Variants in KSR1 observed in about 807,000 individuals in gnomAD.
KSR1 encodes the protein kinase suppressor of ras 1, also known as kinase suppressor of ras.
In KSR1, 35 loss-of-function variants were observed where a neutral mutation model predicts 92.9. The observed-to-expected ratio is 0.38, with a 90% confidence interval of 0.29 to 0.50. KSR1 has a LOEUF of 0.50. KSR1 is among the 20% of genes least tolerant of loss of function. KSR1 has a pLI of 0.94. For missense variants in KSR1, 972 were observed against 1,158.5 expected (o/e 0.84, Z 2.34); for synonymous variants, 467 against 472.6 (o/e 0.99, Z 0.15).
rs765949602 is a variant in KSR1 at position 27,456,694 on chromosome 17, C to T, written c.51C>T (p.Gly17=). Reference sequence around the variant, plus strand: ...CGGCGATGGGAGAGAAGAAGGAGGGCGGTGGCGGGGGGGATGCGGCGGCCG... The same window carrying T: ...CGGCGATGGGAGAGAAGAAGGAGGGTGGTGGCGGGGGGGATGCGGCGGCCG... ...RAAAMGEKKE[G]GGGGDAAAAE... Residue 17 remains glycine, a synonymous_variant, in exon 1 of 21, where the codon GGC becomes GGT. Coordinates refer to ENST00000644974, the MANE Select transcript of KSR1 (RefSeq NM_001394583.1). The T allele has an allele frequency of 2.8e-5, 21 of 754,412 alleles. No individual in the cohort carries two copies. The highest frequency in any genetic ancestry group is 4.5e-5 in the Non-Finnish European group (20 of 446,086). 46.7% of individuals were successfully genotyped at this position (754,412 alleles called of 1,614,324 possible).
intron 15 of KSR1, among the ~76,000 whole-genome samples, chr17:27,608,867 C>T (rs1307583169): frequency 2.0e-5 from 3 of 152,224 alleles, no homozygotes; most frequent in South Asian, 2.1e-4. Context: ...TGATAAATCT[C>T]ACTGTCCCTG....
intron 1 of KSR1, among the ~76,000 whole-genome samples, chr17:27,504,669 G>T (rs2069311689): frequency 1.3e-5 from 2 of 152,134 alleles, no homozygotes; most frequent in Admixed American, 1.3e-4. Context: ...TGTGGCGGGG[G>T]GATGCCTTCC....
chr17:27,516,325 T>A (rs889409043), intron 1 of KSR1, among the ~76,000 whole-genome samples: 1 of 152,192 alleles, frequency 6.6e-6, no homozygotes. Flanking sequence ...ATCATCATTA[T>A]CACAGATGGG....
At chr17:27,463,854 C>T (rs1358180748) in intron 1 of KSR1, among the ~76,000 whole-genome samples, 22 of 152,150 alleles carry the variant, frequency 1.4e-4, no homozygotes, top group Admixed American at 1.4e-3. Flanking sequence ...TTTGGGGTGC[C>T]TGGCTTTGGG....
chr17:27,480,969 G>A (rs2068493054), intron 1 of KSR1, among the ~76,000 whole-genome samples: 1 of 152,162 alleles, frequency 6.6e-6, no homozygotes, highest in African/African-American at 2.4e-5. Flanking sequence ...TAAGGTTTCA[G>A]TAACACTCTG....
At chr17:27,479,329 C>T (rs1331386900) in intron 1 of KSR1, among the ~76,000 whole-genome samples, 2 of 152,222 alleles carry the variant, frequency 1.3e-5, no homozygotes, top group African/African-American at 4.8e-5. Context: ...CCGTGCTCCT[C>T]CCTCATCCTG....
chr17:27,552,611 GC>G (rs891365504), intron 2 of KSR1, among the ~76,000 whole-genome samples: 3 of 152,182 alleles, frequency 2.0e-5, no homozygotes, highest in Non-Finnish European at 2.9e-5. Context: ...GAGAGTTGGT[GC>G]CCCCAGGGGA....
intron 16 of KSR1, 72 bp downstream of exon 16, chr17:27,609,401 C>G (rs2073853744): frequency 6.3e-7 from 1 of 1,579,116 alleles, no homozygotes; most frequent in Admixed American, 1.7e-5. Context: ...GGTCTGGGCA[C>G]TTTCACTGTT....
At chr17:27,534,106 C>T (rs1325365163) in intron 1 of KSR1, among the ~76,000 whole-genome samples, 1 of 152,246 alleles carries the variant, frequency 6.6e-6, no homozygotes, top group Non-Finnish European at 1.5e-5. Flanking sequence ...TTGCCTCCCT[C>T]TTCTGCACAG....
Position 27,592,518 on chromosome 17 carries a change from A to G in KSR1, c.1193-2A>G. ...TGATGGGTTTTCCCTCTTTTCAAAC[A>G]GTAACTCGGCTTCGGAGGACAGAAT... On this transcript the variant is annotated splice_acceptor_variant, in intron 8 of 20. Transcript: ENST00000644974. LOFTEE classifies it high-confidence loss of function. 6.2e-7 allele frequency: 1 copy of G among 1,613,954 alleles called. No individual in the cohort carries two copies. Among genetic ancestry groups the G allele is most frequent in the Non-Finnish European group, 8.5e-7 (1 of 1,179,850 alleles).
chr17:27,623,891 A>G lies in KSR1; in HGVS notation c.*499A>G. ...AAGACTCCATCAGGGAAATCTATCT[A>G]GGGCTCTCCCCTTGTCCTTTCAAAG... is the stretch of plus-strand genomic sequence containing the variant. On this transcript the variant is annotated 3_prime_UTR_variant, in exon 21 of 21. Coordinates refer to ENST00000644974, the MANE Select transcript of KSR1 (RefSeq NM_001394583.1). The G allele has an allele frequency of 2.3e-6, 1 of 426,616 alleles. No homozygotes were observed. The highest frequency in any genetic ancestry group is 4.0e-5 in the East Asian group (1 of 25,146). The allele number at this position is 426,616 out of a possible 1,614,324, so 26.4% of individuals were successfully genotyped here. A position where few individuals can be genotyped will look rare whatever the true frequency, so the allele number is the denominator to read the frequency against.
Position 27,605,682 on chromosome 17 carries a change from G to A in KSR1, c.1863G>A (p.Met621Ile). ...AGGTGGCCATTCGCCTGCTGGAGAT[G>A]GACGGCCACAACCAGGACCACCTGA... ...HGEVAIRLLEMDGHNQDHLKL... is the reference protein window; with the variant it reads ...HGEVAIRLLEIDGHNQDHLKL... Residue 621 changes from methionine (M) to isoleucine (I), a missense_variant, in exon 14 of 21, where the codon ATG becomes ATA. By Grantham distance (10) the Met-to-Ile change is conservative. Around this residue, in one of 5 missense-constraint regions of KSR1, gnomAD observed 260 missense variants for 375.2 expected, o/e 0.69. Transcript: ENST00000644974. The A allele has an allele frequency of 1.2e-6, 2 of 1,612,798 alleles. No homozygotes were observed. Among genetic ancestry groups the A allele is most frequent in the Non-Finnish European group, 8.5e-7 (1 of 1,179,848 alleles).
chr17:27,548,667 TA>T (rs1324956428), intron 1 of KSR1, among the ~76,000 whole-genome samples: 13 of 152,240 alleles, frequency 8.5e-5, no homozygotes, highest in African/African-American at 2.9e-4. Flanking sequence ...CCGTCTCTAC[TA>T]AAAATACAAA....
intron 2 of KSR1, among the ~76,000 whole-genome samples, chr17:27,564,135 C>G (rs767652236): frequency 1.3e-5 from 2 of 151,916 alleles, no homozygotes; most frequent in Non-Finnish European, 2.9e-5. Context: ...ATTACAGATA[C>G]CCGTCACCAC....
In KSR1 at chr17:27,583,846, C is replaced by T. The variant is rs192769250; in HGVS notation, c.980+741C>T. On this transcript the variant is annotated intron_variant, in intron 4 of 20. Coordinates refer to ENST00000644974, the MANE Select transcript of KSR1 (RefSeq NM_001394583.1). Reference sequence around the variant, plus strand: ...AGTGAGACAGTCACATGGTCCAAAGCGCAGCAGCTCTGTGGCTTCTCAGGG... The same window carrying T: ...AGTGAGACAGTCACATGGTCCAAAGTGCAGCAGCTCTGTGGCTTCTCAGGG... 2.4e-4 allele frequency: 51 copies of T among 215,324 alleles called. No individual in the cohort carries two copies. In the East Asian group the frequency reaches 4.8e-3, roughly 20 times the overall value. 13.3% of individuals were successfully genotyped at this position (215,324 alleles called of 1,614,324 possible).
chr17:27,496,594 G>A (rs1443060541), intron 1 of KSR1, among the ~76,000 whole-genome samples: 4 of 152,288 alleles, frequency 2.6e-5, no homozygotes, highest in East Asian at 1.9e-4. Context: ...GCCCCAGAGC[G>A]AGAATCTGAG....
At chr17:27,461,846 A>G (rs1278396445) in intron 1 of KSR1, among the ~76,000 whole-genome samples, 1 of 65,040 alleles carries the variant, frequency 1.5e-5, no homozygotes, top group Non-Finnish European at 4.3e-5. Context: ...AGTGCGCCGC[A>G]GGTATTCTAC....
intron 1 of KSR1, among the ~76,000 whole-genome samples, chr17:27,476,804 C>A (rs2068361472): frequency 6.6e-6 from 1 of 152,188 alleles, no homozygotes; most frequent in Non-Finnish European, 1.5e-5. Context: ...ATACTGTACC[C>A]CACCAGTCCC....
At chr17:27,456,975 G>T in intron 1 of KSR1, 101 bp downstream of exon 1, 1 of 691,602 alleles carries the variant, frequency 1.4e-6, no homozygotes, top group Non-Finnish European at 2.6e-6. Flanking sequence ...AGCCCGCGTC[G>T]CCCCCCTTGG....
Sources: gnomAD v4.1 joint callset for allele counts (sites outside exome capture counted in the v4.1 genomes callset) on GRCh38, gnomAD v4.1.1 for gene constraint, gnomAD v4.1.1 regional missense constraint, MANE v1.5 for transcripts, NCBI Gene and HGNC (gene_info 2026-07-23, HGNC 2026-07-21) for gene names.